Variants in TAT observed in about 807,000 individuals in gnomAD.
TAT encodes tyrosine aminotransferase.
Under a neutral mutation model 53.6 loss-of-function variants are expected in TAT, and 35 were observed. The observed-to-expected ratio is 0.65, with a 90% CI of 0.50 to 0.87. TAT has a LOEUF of 0.87. TAT is among the 40% of genes least tolerant of loss of function. The probability of loss-of-function intolerance (pLI) is 0.00; values close to 1 mark genes in which losing one functional copy is unlikely to be tolerated. For missense variants in TAT, 525 were observed against 571.8 expected (o/e 0.92, Z 0.83); for synonymous variants, 197 against 206.5 (o/e 0.95, Z 0.39).
rs555167628 is a variant in TAT at position 71,568,488 on chromosome 16, A to G, written c.1225-204T>C. On this transcript the variant is annotated intron_variant, in intron 11 of 11. Transcript: ENST00000355962. ...TGTGGGACAGGATCAATTTCCTCTC[A>G]CCTAGAACGTTTGTTTACAACTTTT... The G allele has an allele frequency of 9.2e-5, 63 of 687,102 alleles. No individual in the cohort carries two copies. In the African/African-American group the frequency reaches 1.1e-3, roughly 12 times the overall value. The allele number at this position is 687,102 out of a possible 1,614,324, so 42.6% of individuals were successfully genotyped here. A position where few individuals can be genotyped will look rare whatever the true frequency, so the allele number is the denominator to read the frequency against.
rs1268606971 is a variant in TAT, at chr16:71,572,183, T to C, written c.706+3A>G. 3 of 1,614,002 alleles carry C rather than the reference T, an allele frequency of 1.9e-6. No individual in the cohort carries two copies. On this transcript the variant is annotated splice_donor_region_variant and intron_variant, in intron 6 of 11. Coordinates refer to ENST00000355962, the MANE Select transcript of TAT (RefSeq NM_000353.3). ...CGTCCTCTGTGAAGTCTGCTGGACGTACCTGCCAGAATCTTCTGAAGATGA... is the reference window on the plus strand; with the variant it reads ...CGTCCTCTGTGAAGTCTGCTGGACGCACCTGCCAGAATCTTCTGAAGATGA...
At position 71,569,944 on chromosome 16, in the gene TAT, G is replaced by C. The variant is rs779106387; in HGVS notation, c.1042-7C>G. 1 of 1,612,160 alleles carries C rather than the reference G, an allele frequency of 6.2e-7. No individual in the cohort carries two copies. The highest frequency in any genetic ancestry group is 1.1e-5 in the South Asian group (1 of 90,590). On this transcript the variant is annotated splice_region_variant and splice_polypyrimidine_tract_variant and intron_variant, in intron 9 of 11. Transcript: ENST00000355962. ...AACAGAGATCAGCATTGGACTACAA[G>C]AAGAGGCAAGGAGAAATCAAGGATC...
chr16:71,567,429 C>CAAAGA lies in TAT; in HGVS notation c.*710_*714dup, dbSNP rs1318474145. On this transcript the variant is annotated 3_prime_UTR_variant, in exon 12 of 12. Coordinates refer to ENST00000355962, the MANE Select transcript of TAT (RefSeq NM_000353.3). The stretch of plus-strand genomic sequence containing the variant: ...ATCTCAAAATAAAGAAAGAAAGAAA[C>CAAAGA]AAAGAAAAGAAAAGCTTATATTGAA... The CAAAGA allele has an allele frequency of 6.6e-6, 1 of 150,716 alleles. No individual in the cohort carries two copies. The highest frequency in any genetic ancestry group is 1.5e-5 in the Non-Finnish European group (1 of 67,698). 9.3% of individuals were successfully genotyped at this position (150,716 alleles called of 1,614,324 possible).
In TAT at chr16:71,567,082, C is replaced by T. The variant is rs949972208; in HGVS notation, c.*1062G>A. On this transcript the variant is annotated 3_prime_UTR_variant, in exon 12 of 12. Coordinates refer to ENST00000355962, the MANE Select transcript of TAT (RefSeq NM_000353.3). ...ATTTCTGGAAGGTCTCTGATTCCTG[C>T]TTGCTCTAGTACAGGCGTGCTCTCA... 1.3e-5 allele frequency: 2 copies of T among 152,208 alleles called. No individual in the cohort carries two copies. Among genetic ancestry groups the T allele is most frequent in the Non-Finnish European group, 2.9e-5 (2 of 68,038 alleles). The allele number at this position is 152,208 out of a possible 1,614,324, so 9.4% of individuals were successfully genotyped here.
In TAT at chr16:71,575,988, C is replaced by A; in HGVS notation, c.274G>T (p.Glu92Ter). The change falls in exon 3 of 12, where the codon GAA becomes TAA. Residue 92 changes from glutamate (E) to a stop codon, truncating the protein, a stop_gained. Coordinates refer to ENST00000355962, the MANE Select transcript of TAT (RefSeq NM_000353.3). LOFTEE classifies it high-confidence loss of function. ...TVFGNLPTDP[E>*]VTQAMKDALD... is the part of the protein sequence containing the mutation. ...GCATCTTTCATTGCCTGGGTAACTT[C>A]AGGGTCTGTAGGCAGGTTTCCAAAC... The A allele has an allele frequency of 6.2e-7, 1 of 1,614,174 alleles. No homozygotes were observed. Among genetic ancestry groups the A allele is most frequent in the Non-Finnish European group, 8.5e-7 (1 of 1,180,030 alleles).
intron 4 of TAT, 135 bp from the exon 5 acceptor site, chr16:71,572,823 C>T: frequency 2.2e-6 from 2 of 900,498 alleles, no homozygotes; most frequent in African/African-American, 1.7e-5. Context: ...ATGTACTAAG[C>T]CAAAACCAAA....
Position 71,566,456 on chromosome 16 carries a change from T to G in TAT, c.*1688A>C, listed in dbSNP as rs1382399194. On this transcript the variant is annotated 3_prime_UTR_variant, in exon 12 of 12. Coordinates refer to ENST00000355962, the MANE Select transcript of TAT (RefSeq NM_000353.3). ...AAAAAATTAAACAGGCAACTGTGCC[T>G]ATGAAGATTTGCGAAAAAAAAAAAA... 1 of 129,750 alleles carries G rather than the reference T, an allele frequency of 7.7e-6. No individual in the cohort carries two copies. Among genetic ancestry groups the G allele is most frequent in the Non-Finnish European group, 1.6e-5 (1 of 63,010 alleles). 8.0% of individuals were successfully genotyped at this position (129,750 alleles called of 1,614,324 possible).
At chr16:71,569,827 C>G (rs1276667412) in intron 10 of TAT, 27 bp downstream of exon 10, 1 of 1,607,410 alleles carries the variant, frequency 6.2e-7, no homozygotes, top group East Asian at 2.2e-5. Flanking sequence ...CATGCATTGA[C>G]CTAGTGCCTG....
chr16:71,575,657 G>A (rs2044229749), intron 3 of TAT: 2 of 525,182 alleles, frequency 3.8e-6, no homozygotes, highest in Admixed American at 6.3e-5. Context: ...TAGGATAGGA[G>A]CTTTACTTGA....
chr16:71,571,984 T>C (rs1265203191), intron 6 of TAT: 3 of 670,608 alleles, frequency 4.5e-6, no homozygotes, highest in African/African-American at 1.8e-5. Flanking sequence ...CTGGGAGTGA[T>C]GAAGAGACAA....
At position 71,574,180 on chromosome 16, in the gene TAT, G is replaced by T. The variant is rs902301361; in HGVS notation, c.341-574C>A. Among the ~76,000 whole-genome samples the T allele has an allele frequency of 2.0e-5, 3 of 152,234 alleles. No individual in the cohort carries two copies. The East Asian group carries it at 5.8e-4, about 29-fold the overall frequency. ...AATGTATAAATGATAACAAGGAAGA[G>T]CTCCCCAAATACTCTGCACCATCTT... On this transcript the variant is annotated intron_variant, in intron 3 of 11. Transcript: ENST00000355962.
rs202010343 is a variant in TAT at position 71,569,911 on chromosome 16, C to T, written c.1068G>A (p.Ala356=). 6.6e-5 allele frequency: 107 copies of T among 1,613,688 alleles called. No homozygotes were observed. In the East Asian group the frequency reaches 1.3e-3, roughly 20 times the overall value. Residue 356 remains alanine (A), a synonymous_variant, in exon 10 of 12, where the codon GCG becomes GCA. Coordinates refer to ENST00000355962, the MANE Select transcript of TAT (RefSeq NM_000353.3). Reference sequence around the variant, plus strand: ...GCCGGAGTCCAGGGATGGCAGCCAACGCCCCATAACAGAGATCAGCATTGG... The same window carrying T: ...GCCGGAGTCCAGGGATGGCAGCCAATGCCCCATAACAGAGATCAGCATTGG... The part of the protein sequence containing the change: ...LKSNADLCYG[A]LAAIPGLRPV...
intron 3 of TAT, among the ~76,000 whole-genome samples, chr16:71,574,537 T>C (rs2432519): frequency 0.67 from 97,490 of 146,546 alleles, 32,821 homozygotes; most frequent in Middle Eastern, 0.79. Context: ...GCCAAGATCA[T>C]GCCACTGCAC....
rs2044170021 is a variant in TAT, at chr16:71,567,280, A to ATGGG, written c.*863_*864insCCCA. The ATGGG allele has an allele frequency of 6.6e-6, 1 of 152,276 alleles. No homozygotes were observed. The highest frequency in any genetic ancestry group is 6.5e-5 in the Admixed American group (1 of 15,278). The allele number at this position is 152,276 out of a possible 1,614,324, so 9.4% of individuals were successfully genotyped here. On this transcript the variant is annotated 3_prime_UTR_variant, in exon 12 of 12. Coordinates refer to ENST00000355962, the MANE Select transcript of TAT (RefSeq NM_000353.3). ...AAAAATTAGCCGGGCATGGTGGCTC[A>ATGGG]CGCCTGTAGTCCCAACTGCTTGGGA...
At position 71,576,305 on chromosome 16, in the gene TAT, T is replaced by TCGGC; in HGVS notation, c.110_111insGCCG (p.Lys38ProfsTer56). The TCGGC allele has an allele frequency of 6.2e-7, 1 of 1,614,246 alleles. No individual in the cohort carries two copies. The highest frequency in any genetic ancestry group is 8.5e-7 in the Non-Finnish European group (1 of 1,180,042). On this transcript the variant is annotated frameshift_variant, in exon 2 of 12. Transcript: ENST00000355962. LOFTEE classifies it high-confidence loss of function. ...AGGGCCTCACAGACCACCTGGCCTT[T>TCGGC]CTGCCTTTCATTTTTCCCGGCACAG...
At chr16:71,575,810 C>T in intron 3 of TAT, 112 bp downstream of exon 3, 1 of 1,145,870 alleles carries the variant, frequency 8.7e-7, no homozygotes, top group Non-Finnish European at 1.3e-6. Context: ...CTTAGCCTCT[C>T]CTTAGGAATT....
At chr16:71,568,406 A>G (rs1300904291) in intron 11 of TAT, 122 bp from the exon 12 acceptor site, 3 of 959,520 alleles carry the variant, frequency 3.1e-6, no homozygotes, top group Non-Finnish European at 4.8e-6. Flanking sequence ...CAGTTCATTC[A>G]GCTCCCATGA....
chr16:71,573,439 T>C, intron 4 of TAT, 100 bp downstream of exon 4: 1 of 1,116,608 alleles, frequency 9.0e-7, no homozygotes, highest in Non-Finnish European at 1.3e-6. Flanking sequence ...TTCTCAGCTT[T>C]TCCCCCTCTG....
In TAT at chr16:71,572,243, G is replaced by A. The variant is rs1249616817; in HGVS notation, c.649C>T (p.Pro217Ser). The change falls in exon 6 of 12, where the codon CCA becomes TCA. Residue 217 changes from proline to serine, a missense_variant. Pro to Ser is a moderately conservative substitution (Grantham distance 74). Transcript: ENST00000355962. ...AACACTGACCCACAGGGGTTTGATG[G>A]ATTATTGACAATGAGACAAGCTGTC... ...EKTACLIVNN[P>S]SNPCGSVFSK... 1 of 1,614,192 alleles carries A rather than the reference G, an allele frequency of 6.2e-7. No individual in the cohort carries two copies. The highest frequency in any genetic ancestry group is 1.1e-5 in the South Asian group (1 of 91,086).
Sources: gnomAD v4.1 joint callset for allele counts (sites outside exome capture counted in the v4.1 genomes callset) on GRCh38, gnomAD v4.1.1 for gene constraint, MANE v1.5 for transcripts, NCBI Gene and HGNC (gene_info 2026-07-23, HGNC 2026-07-21) for gene names.